The following MPP2 variants were observed in gnomAD, a reference collection of about 807,000 sequenced individuals.
MPP2 encodes MAGUK p55 subfamily member 2.
A neutral mutation model predicts 58.5 loss-of-function variants in MPP2; 42 were observed. The observed-to-expected ratio is 0.72, with a 90% CI of 0.56 to 0.93. The LOEUF (loss-of-function observed/expected upper bound fraction) is 0.93, where lower values mean the gene tolerates loss of function less well. Among genes scored for constraint, MPP2 ranks in the 40% least tolerant of loss-of-function variants. MPP2 has a pLI of 0.00. For missense variants in MPP2, 632 were observed against 760.4 expected (o/e 0.83, Z 1.99); for synonymous variants, 300 against 307.8 (o/e 0.97, Z 0.26).
chr17:43,896,929 G>A (rs1156364656), intron 3 of MPP2, among the ~76,000 whole-genome samples: 1 of 151,990 alleles, frequency 6.6e-6, no homozygotes, highest in East Asian at 1.9e-4. Context: ...CCCCCCCTCA[G>A]GAGAGGGGGC....
Position 43,883,269 on chromosome 17 carries a change from C to T in MPP2, c.237G>A (p.Ala79=), listed in dbSNP as rs776407540. The change falls in exon 4 of 13, where the codon GCG becomes GCA. Residue 79 remains alanine, a synonymous_variant. Coordinates refer to ENST00000269095, the MANE Select transcript of MPP2 (RefSeq NM_005374.5). ...ELVQEILRDL[A]QLAEQSSTAA... is the part of the protein sequence containing the mutation. ...CTGTGCTGCTCTGCTCAGCCAGCTG[C>T]GCCAGGTCCCGCAGGATCTCCTGCA... 9.3e-6 allele frequency: 15 copies of T among 1,612,272 alleles called. No homozygotes were observed. Among genetic ancestry groups the T allele is most frequent in the African/African-American group, 4.0e-5 (3 of 75,026 alleles).
chr17:43,895,835 C>T (rs979929055), intron 3 of MPP2, among the ~76,000 whole-genome samples: 13 of 152,174 alleles, frequency 8.5e-5, no homozygotes, highest in African/African-American at 3.1e-4. Context: ...TGAGTAGGAT[C>T]TTCGATTGCT....
intron 2 of MPP2, among the ~76,000 whole-genome samples, chr17:43,899,501 C>T (rs1352963726): frequency 1.3e-5 from 2 of 152,216 alleles, no homozygotes; most frequent in Admixed American, 6.5e-5. Context: ...TGGCCTCAGT[C>T]TTTCCTGCCT....
upstream of MPP2, chr17:43,907,764 G>C (rs994137128): frequency 1.8e-5 from 18 of 985,416 alleles, no homozygotes; most frequent in African/African-American, 3.0e-4. Context: ...AGGCAGGACT[G>C]GTACCAGTAC....
At chr17:43,896,093 A>G (rs1461013718) in intron 3 of MPP2, among the ~76,000 whole-genome samples, 1 of 152,116 alleles carries the variant, frequency 6.6e-6, no homozygotes, top group Non-Finnish European at 1.5e-5. Context: ...AGCCATAGCC[A>G]GCCTGTGACA....
intron 6 of MPP2, 39 bp from the exon 7 acceptor site, chr17:43,881,628 A>G (rs1325669978): frequency 1.9e-6 from 3 of 1,604,190 alleles, no homozygotes; most frequent in African/African-American, 1.3e-5. Flanking sequence ...GGGAAGGGTC[A>G]GCAGAAGGCT....
intron 2 of MPP2, among the ~76,000 whole-genome samples, chr17:43,898,968 G>A (rs1040063374): frequency 4.7e-5 from 7 of 149,998 alleles, no homozygotes; most frequent in Non-Finnish European, 1.0e-4. Flanking sequence ...GTCTCTGGCC[G>A]GGCGCGGTGG....
chr17:43,898,287 C>T lies in MPP2; in HGVS notation c.125G>A (p.Ser42Asn). 11 of 1,614,178 alleles carry T rather than the reference C, an allele frequency of 6.8e-6. No individual in the cohort carries two copies. The highest frequency in any genetic ancestry group is 9.3e-6 in the Non-Finnish European group (11 of 1,179,992). Reference protein sequence around the residue: ...DLIFLRGIMESPIVRSLAKAH... With the variant: ...DLIFLRGIMENPIVRSLAKAH... ...CTTGGCCAGGGATCTTACTATGGGA[C>T]TTTCCATAATGCCTCGAAGGAAGAT... Residue 42 changes from serine to asparagine, a missense_variant, in exon 3 of 13, where the codon AGT (serine) becomes AAT (asparagine). By Grantham distance (46) the Ser-to-Asn change is conservative. Transcript: ENST00000269095.
At chr17:43,890,388 T>A (rs1317269473) in intron 3 of MPP2, among the ~76,000 whole-genome samples, 1 of 152,140 alleles carries the variant, frequency 6.6e-6, no homozygotes, top group Non-Finnish European at 1.5e-5. Flanking sequence ...GACCAGAAGC[T>A]TAAGTGGGAG....
chr17:43,901,758 T>A (rs1458739852), intron 2 of MPP2, among the ~76,000 whole-genome samples: 1 of 152,146 alleles, frequency 6.6e-6, no homozygotes. Context: ...GTTCAGGATC[T>A]CTAAGTTCTC....
At chr17:43,900,145 GA>G (rs371634642) in intron 2 of MPP2, among the ~76,000 whole-genome samples, 29 of 152,110 alleles carry the variant, frequency 1.9e-4, no homozygotes, top group African/African-American at 6.5e-4. Flanking sequence ...GCCTTCTCCA[GA>G]AAAAAAAGTG....
intron 3 of MPP2, among the ~76,000 whole-genome samples, chr17:43,897,880 A>C (rs189736221): frequency 6.6e-6 from 1 of 152,326 alleles, no homozygotes; most frequent in East Asian, 1.9e-4. Context: ...TTTCTCTTTT[A>C]GTCAATCTCT....
At chr17:43,908,837 C>G (rs1326542776), upstream of MPP2, among the ~76,000 whole-genome samples, 1 of 152,158 alleles carries the variant, frequency 6.6e-6, no homozygotes, top group African/African-American at 2.4e-5. Context: ...CCCTGAGTTC[C>G]AAGGGTATAA....
chr17:43,886,076 C>T (rs1211064888), intron 3 of MPP2, among the ~76,000 whole-genome samples: 1 of 151,266 alleles, frequency 6.6e-6, no homozygotes, highest in Non-Finnish European at 1.5e-5. Flanking sequence ...CCACTGCCCT[C>T]CAGCCTGGGC....
chr17:43,881,736 C>A, intron 6 of MPP2, 147 bp from the exon 7 acceptor site: 3 of 1,095,620 alleles, frequency 2.7e-6, no homozygotes, highest in Non-Finnish European at 3.9e-6. Context: ...CCTGCCCATG[C>A]TCCTCCCTGG....
chr17:43,902,562 G>A (rs2048138260), intron 2 of MPP2, among the ~76,000 whole-genome samples: 1 of 152,202 alleles, frequency 6.6e-6, no homozygotes, highest in African/African-American at 2.4e-5. Context: ...AGAAGCTGGG[G>A]ACATTGGTGC....
intron 1 of MPP2, among the ~76,000 whole-genome samples, chr17:43,906,596 A>C (rs2048297773): frequency 6.6e-6 from 1 of 152,204 alleles, no homozygotes; most frequent in South Asian, 2.1e-4. Context: ...GGCGCTTTGG[A>C]GAGCGAGAGG....
At position 43,904,473 on chromosome 17, in the gene MPP2, A is replaced by G. The variant is rs374820158; in HGVS notation, c.-13T>C. 6.2e-7 allele frequency: 1 copy of G among 1,613,918 alleles called. No individual in the cohort carries two copies. The highest frequency in any genetic ancestry group is 8.5e-7 in the Non-Finnish European group (1 of 1,179,920). ...CGGCAACCGGCATGGTGAAGGAGGC[A>G]AGGGCTCTGAAACGTCTCTCCTGGA... On this transcript the variant is annotated 5_prime_UTR_variant, in exon 2 of 13. Coordinates refer to ENST00000269095, the MANE Select transcript of MPP2 (RefSeq NM_005374.5).
At chr17:43,887,268 C>T (rs185557019) in intron 3 of MPP2, among the ~76,000 whole-genome samples, 1 of 152,234 alleles carries the variant, frequency 6.6e-6, no homozygotes, top group East Asian at 1.9e-4. Context: ...GTCCCTGCTA[C>T]TCTTACTTGG....
Sources: allele counts gnomAD v4.1 joint callset (sites outside exome capture counted in the v4.1 genomes callset), GRCh38; gene constraint gnomAD v4.1.1; transcripts MANE v1.5; gene names NCBI Gene and HGNC (gene_info 2026-07-23, HGNC 2026-07-21).